SGCZ: variants seen among roughly 807,000 people sequenced by gnomAD.
SGCZ encodes sarcoglycan zeta.
Under a neutral mutation model 41.3 loss-of-function variants are expected in SGCZ, and 40 were observed. The observed-to-expected ratio is 0.97, with a 90% CI of 0.75 to 1.26. The LOEUF (loss-of-function observed/expected upper bound fraction) is 1.26, where lower values mean the gene tolerates loss of function less well. Ranked by LOEUF, SGCZ falls within the 50% of genes most tolerant of loss-of-function variation. The pLI is 0.00. For synonymous variants in SGCZ, 206 were observed against 137.5 expected, an observed-to-expected ratio of 1.50 and a Z score of -3.49; for missense variants, 552 against 369.8, an observed-to-expected ratio of 1.49 and a Z score of -4.04.
intron 1 of SGCZ, among the ~76,000 whole-genome samples, chr8:15,237,203 G>C (rs1220543149): frequency 2.0e-5 from 3 of 152,078 alleles, no homozygotes; most frequent in Non-Finnish European, 4.4e-5. Flanking sequence ...GCGCAGCTCG[G>C]ACAACTTTGC....
intron 2 of SGCZ, among the ~76,000 whole-genome samples, chr8:14,540,599 G>C (rs558741876): frequency 6.6e-6 from 1 of 151,652 alleles, no homozygotes; most frequent in East Asian, 1.9e-4. Flanking sequence ...CTATATTTTA[G>C]TGTATGCAAC....
chr8:14,093,431 A>G (rs1198235410), intron 7 of SGCZ, among the ~76,000 whole-genome samples: 1 of 152,048 alleles, frequency 6.6e-6, no homozygotes, highest in Non-Finnish European at 1.5e-5. Flanking sequence ...CCCTACCTAC[A>G]AGATCTGGCC....
At chr8:14,180,351 T>C (rs774399177) in intron 4 of SGCZ, among the ~76,000 whole-genome samples, 2 of 152,208 alleles carry the variant, frequency 1.3e-5, no homozygotes, top group African/African-American at 2.4e-5. Flanking sequence ...TGCTTGGACC[T>C]ATCCACTCTG....
At chr8:14,693,038 T>A (rs1393730815) in intron 1 of SGCZ, among the ~76,000 whole-genome samples, 1 of 152,166 alleles carries the variant, frequency 6.6e-6, no homozygotes, top group Non-Finnish European at 1.5e-5. Flanking sequence ...TGGCTATAAT[T>A]AGTTTCTCTG....
chr8:14,601,212 G>C (rs1805579905), intron 1 of SGCZ, among the ~76,000 whole-genome samples: 1 of 151,728 alleles, frequency 6.6e-6, no homozygotes, highest in African/African-American at 2.4e-5. Context: ...TAATTCTATT[G>C]GTGATTAAAT....
At chr8:14,873,932 G>A (rs529351819) in intron 1 of SGCZ, among the ~76,000 whole-genome samples, 25 of 152,154 alleles carry the variant, frequency 1.6e-4, no homozygotes, top group African/African-American at 6.0e-4. Context: ...ATAACTCAAG[G>A]AAAGAAAGAT....
intron 4 of SGCZ, among the ~76,000 whole-genome samples, chr8:14,230,878 A>G (rs1806541826): frequency 6.6e-6 from 1 of 151,984 alleles, no homozygotes; most frequent in Non-Finnish European, 1.5e-5. Context: ...GAAACACGAA[A>G]GAGTATCTAC....
At chr8:14,468,236 A>C (rs1020537002) in intron 2 of SGCZ, among the ~76,000 whole-genome samples, 1 of 152,008 alleles carries the variant, frequency 6.6e-6, no homozygotes, top group South Asian at 2.1e-4. Flanking sequence ...ATATATACAG[A>C]TTGGGTGATA....
chr8:14,613,296 C>T (rs1805989560), intron 1 of SGCZ, among the ~76,000 whole-genome samples: 1 of 152,058 alleles, frequency 6.6e-6, no homozygotes, highest in African/African-American at 2.4e-5. Flanking sequence ...ATAATGTCAC[C>T]TATTATTTTG....
intron 1 of SGCZ, among the ~76,000 whole-genome samples, chr8:15,016,854 A>C (rs1803056109): frequency 6.6e-6 from 1 of 152,158 alleles, no homozygotes; most frequent in African/African-American, 2.4e-5. Flanking sequence ...GGGAATGAAC[A>C]GCCATGTCAT....
At chr8:14,956,649 T>C (rs1269292240) in intron 1 of SGCZ, among the ~76,000 whole-genome samples, 1 of 152,172 alleles carries the variant, frequency 6.6e-6, no homozygotes, top group African/African-American at 2.4e-5. Context: ...TCTTCTAGAA[T>C]AAAAATATTT....
At chr8:15,048,102 T>A (rs919021086) in intron 1 of SGCZ, among the ~76,000 whole-genome samples, 2 of 151,938 alleles carry the variant, frequency 1.3e-5, no homozygotes, top group African/African-American at 4.8e-5. Context: ...ATTGGCAGAA[T>A]GAATGAAGAA....
rs149817085 is a variant in SGCZ, at chr8:14,866,732, A to G, written c.40-311806T>C. 9.2e-3 allele frequency among the ~76,000 whole-genome samples: 1,395 copies of G among 152,092 alleles called. 17 individuals are homozygous for G. Among genetic ancestry groups the G allele is most frequent in the African/African-American group, 0.032 (1,326 of 41,484 alleles). The stretch of plus-strand genomic sequence containing the variant: ...GGTTGAGGTGGGAGGATAGCCTGAG[A>G]CCCAGAAGACTTGATCTCACCATTT... On this transcript the variant is annotated intron_variant, in intron 1 of 7. Coordinates refer to ENST00000382080, the MANE Select transcript of SGCZ (RefSeq NM_139167.4).
intron 2 of SGCZ, among the ~76,000 whole-genome samples, chr8:14,463,598 A>T (rs1347593584): frequency 1.3e-5 from 2 of 151,654 alleles, no homozygotes; most frequent in Non-Finnish European, 3.0e-5. Flanking sequence ...TTTCTTGAAT[A>T]TGATACTAAA....
intron 7 of SGCZ, among the ~76,000 whole-genome samples, chr8:14,101,964 G>A (rs1251382425): frequency 1.3e-5 from 2 of 151,638 alleles, no homozygotes; most frequent in Non-Finnish European, 1.5e-5. Context: ...TATGAAGCAA[G>A]CTCCGCCTCC....
intron 1 of SGCZ, among the ~76,000 whole-genome samples, chr8:14,729,932 G>A (rs891155003): frequency 1.2e-4 from 18 of 151,992 alleles, no homozygotes; most frequent in Admixed American, 3.3e-4. Context: ...TAAAAATACA[G>A]AAATTAGCCG....
chr8:14,806,733 G>A lies in SGCZ; in HGVS notation c.40-251807C>T, dbSNP rs1327525698. ...GGACTCCTCCCTAACTCATTTTAGG[G>A]AGTTAGCATCATTCTGATACCAAAG... is the stretch of plus-strand genomic sequence containing the variant. On this transcript the variant is annotated intron_variant, in intron 1 of 7. Coordinates refer to ENST00000382080, the MANE Select transcript of SGCZ (RefSeq NM_139167.4). Among the ~76,000 whole-genome samples the A allele has an allele frequency of 2.0e-5, 3 of 152,258 alleles. No individual in the cohort carries two copies. In the East Asian group the frequency reaches 5.8e-4, roughly 30 times the overall value.
At chr8:14,731,113 T>G (rs188075544) in intron 1 of SGCZ, among the ~76,000 whole-genome samples, 1 of 151,772 alleles carries the variant, frequency 6.6e-6, no homozygotes, top group Non-Finnish European at 1.5e-5. Flanking sequence ...CTGTTCATAA[T>G]AGCAAAAACA....
intron 5 of SGCZ, among the ~76,000 whole-genome samples, chr8:14,160,496 A>G (rs1804010791): frequency 6.6e-6 from 1 of 152,200 alleles, no homozygotes; most frequent in Non-Finnish European, 1.5e-5. Flanking sequence ...ATAGTTTTCA[A>G]TTGTGCATAG....
Sources: gnomAD v4.1 joint callset for allele counts (sites outside exome capture counted in the v4.1 genomes callset) on GRCh38, gnomAD v4.1.1 for gene constraint, MANE v1.5 for transcripts, NCBI Gene and HGNC (gene_info 2026-07-23, HGNC 2026-07-21) for gene names.